CLIP3: variants seen among roughly 807,000 people sequenced by gnomAD.
CLIP3 encodes CAP-Gly domain-containing linker protein 3.
In CLIP3, 15 loss-of-function variants were observed where a neutral mutation model predicts 59.4. The observed-to-expected ratio is 0.25, with a 90% CI of 0.17 to 0.39. The LOEUF is 0.39. Among genes scored for constraint, CLIP3 ranks in the 10% least tolerant of loss-of-function variants. The probability of loss-of-function intolerance (pLI) is 1.00; values close to 1 mark genes in which losing one functional copy is unlikely to be tolerated. For synonymous variants in CLIP3, 300 were observed against 321.6 expected (o/e 0.93, Z 0.72); for missense variants, 495 against 765.7 (o/e 0.65, Z 4.17).
rs1968754076 is a variant in CLIP3 at position 36,015,014 on chromosome 19, CCA to C, written c.*1142_*1143del. ...CATGGACTCGGGGCATTGAAATTCTCCAGTTTCCAGGGATGGGAATTCCTGTG... is the reference window on the plus strand; with the variant it reads ...CATGGACTCGGGGCATTGAAATTCTCGTTTCCAGGGATGGGAATTCCTGTG... On this transcript the variant is annotated 3_prime_UTR_variant, in exon 14 of 14. Coordinates refer to ENST00000360535, the MANE Select transcript of CLIP3 (RefSeq NM_015526.3). 6.6e-6 allele frequency: 1 copy of C among 152,202 alleles called. No individual in the cohort carries two copies. The highest frequency in any genetic ancestry group is 2.4e-5 in the African/African-American group (1 of 41,422). 9.4% of individuals were successfully genotyped at this position (152,202 alleles called of 1,614,324 possible). A position where few individuals can be genotyped will look rare whatever the true frequency, so the allele number is the denominator to read the frequency against.
chr19:36,016,658 G>A lies in CLIP3; in HGVS notation c.1589+249C>T, dbSNP rs1221924742. Among the ~76,000 whole-genome samples the A allele has an allele frequency of 1.3e-5, 2 of 152,200 alleles. No homozygotes were observed. Among genetic ancestry groups the A allele is most frequent in the African/African-American group, 4.8e-5 (2 of 41,436 alleles). On this transcript the variant is annotated intron_variant, in intron 13 of 13. Transcript: ENST00000360535. The surrounding 1 kb of genome is among the most constrained non-coding windows in gnomAD (Gnocchi z 4.1). ...CCACCCCGCCCGGTCTCTAGCTGTT[G>A]TTCTGAGGCTCGTATGGAGTGAAGG... is the stretch of plus-strand genomic sequence containing the variant.
rs1198507205 is a variant in CLIP3 at position 36,019,278 on chromosome 19, G to A, written c.947C>T (p.Thr316Met). The change falls in exon 8 of 14, where the codon ACG (threonine) becomes ATG (methionine). Residue 316 changes from threonine (T) to methionine (M), a missense_variant. Around this residue, in one of 5 missense-constraint regions of CLIP3, gnomAD observed 194 missense variants for 327.8 expected, o/e 0.59. Transcript: ENST00000360535. Reference sequence around the variant, plus strand: ...CACCCACTGGCCGCTGGCAAACTCCGTGGTCCCACAGAACCGCAGTGTGCC... The same window carrying A: ...CACCCACTGGCCGCTGGCAAACTCCATGGTCCCACAGAACCGCAGTGTGCC... ...KTGTLRFCGTTEFASGQWVGV... is the reference protein window; with the variant it reads ...KTGTLRFCGTMEFASGQWVGV... 6.2e-7 allele frequency: 1 copy of A among 1,613,378 alleles called. No homozygotes were observed. Among genetic ancestry groups the A allele is most frequent in the Non-Finnish European group, 8.5e-7 (1 of 1,179,934 alleles).
rs373580296 is a variant in CLIP3, at chr19:36,024,591, A to G, written c.723T>C (p.Pro241=). The change falls in exon 7 of 14, where the codon CCT becomes CCC. Residue 241 remains proline, a synonymous_variant. Transcript: ENST00000360535. ...GQVPAEVVPD[P]MDMSLDKAEA... is the part of the protein sequence containing the mutation. The stretch of plus-strand genomic sequence containing the variant: ...CTGCCTTGTCCAGGGACATGTCCAT[A>G]GGATCTGGGACCACCTCCGCCGGCA... 65 of 1,614,084 alleles carry G rather than the reference A, an allele frequency of 4.0e-5. No individual in the cohort carries two copies. Among genetic ancestry groups the G allele is most frequent in the Non-Finnish European group, 5.3e-5 (62 of 1,180,040 alleles).
chr19:36,030,157 G>T (rs1424871033), intron 2 of CLIP3, among the ~76,000 whole-genome samples: 3 of 152,140 alleles, frequency 2.0e-5, no homozygotes, highest in African/African-American at 7.2e-5. Context: ...TCAGGCTCAA[G>T]TGATCCTCCC....
intron 6 of CLIP3, 116 bp from the exon 7 acceptor site, chr19:36,024,748 T>C (rs1969050687): frequency 2.1e-6 from 2 of 964,290 alleles, no homozygotes; most frequent in Admixed American, 2.5e-5. Flanking sequence ...CTAGGTCATA[T>C]CCTGGGCCAA....
chr19:36,026,442 C>T lies in CLIP3; in HGVS notation c.562+144G>A. ...CCCGACCCTCCCTAGAGTGGTAGTC[C>T]CTGAGCCCCCTCTCCCACGCCTCCA... On this transcript the variant is annotated intron_variant, in intron 5 of 13. Transcript: ENST00000360535. This position sits in a 1 kb window ranked among gnomAD's most constrained non-coding sequence, Gnocchi z 6.3. 1 of 1,232,224 alleles carries T rather than the reference C, an allele frequency of 8.1e-7. No homozygotes were observed. The highest frequency in any genetic ancestry group is 1.1e-6 in the Non-Finnish European group (1 of 880,902). The allele number at this position is 1,232,224 out of a possible 1,614,324, so 76.3% of individuals were successfully genotyped here. A position where few individuals can be genotyped will look rare whatever the true frequency, so the allele number is the denominator to read the frequency against.
intron 6 of CLIP3, 117 bp from the exon 7 acceptor site, chr19:36,024,749 C>A: frequency 1.1e-6 from 1 of 884,644 alleles, no homozygotes; most frequent in Non-Finnish European, 1.7e-6. Context: ...TAGGTCATAT[C>A]CTGGGCCAAC....
chr19:36,023,265 T>A (rs922613334), intron 7 of CLIP3, among the ~76,000 whole-genome samples: 13 of 152,172 alleles, frequency 8.5e-5, no homozygotes, highest in African/African-American at 3.1e-4. Context: ...TTCAAACTCC[T>A]TCCAGTAGCC....
Position 36,026,586 on chromosome 19 carries a change from C to T in CLIP3, c.562G>A (p.Val188Met). The T allele has an allele frequency of 6.2e-7, 1 of 1,613,452 alleles. No individual in the cohort carries two copies. The highest frequency in any genetic ancestry group is 8.5e-7 in the Non-Finnish European group (1 of 1,179,826). Residue 188 changes from valine (V) to methionine (M), a missense_variant and splice_region_variant, in exon 5 of 14, where the codon GTG becomes ATG. Coordinates refer to ENST00000360535, the MANE Select transcript of CLIP3 (RefSeq NM_015526.3). The surrounding 1 kb of genome is among the most constrained non-coding windows in gnomAD (Gnocchi z 6.3). The stretch of plus-strand genomic sequence containing the variant: ...TCCCAGCCAGGGCTCTCCTCCTCAC[C>T]TCGCGGCCTCGCACCCTTCAGCAGC... ...RVLLKGARPR[V>M]VNSTCSDFNH...
rs573481150 is a variant in CLIP3 at position 36,019,651 on chromosome 19, C to T, written c.919-345G>A. ...CAGCGTCTCACTCTGTTGCCAGGCT[C>T]GAGTGCAGTGGCACGATCTCGGCTC... On this transcript the variant is annotated intron_variant, in intron 7 of 13. Coordinates refer to ENST00000360535, the MANE Select transcript of CLIP3 (RefSeq NM_015526.3). Among the ~76,000 whole-genome samples, 129 of 149,278 alleles carry T rather than the reference C, an allele frequency of 8.6e-4. 1 individual carries two copies. Among genetic ancestry groups the T allele is most frequent in the African/African-American group, 3.0e-3 (123 of 40,456 alleles).
At chr19:36,019,952 TC>T (rs1465060426) in intron 7 of CLIP3, among the ~76,000 whole-genome samples, 1 of 151,850 alleles carries the variant, frequency 6.6e-6, no homozygotes. Context: ...ATGCCTATAA[TC>T]CCAACACTTT....
Position 36,015,250 on chromosome 19 carries a change from A to AG in CLIP3, c.*907dup, listed in dbSNP as rs1449341183. The AG allele has an allele frequency of 3.3e-5, 5 of 152,198 alleles. No homozygotes were observed. The highest frequency in any genetic ancestry group is 7.4e-5 in the Non-Finnish European group (5 of 67,990). The allele number at this position is 152,198 out of a possible 1,614,324, so 9.4% of individuals were successfully genotyped here. On this transcript the variant is annotated 3_prime_UTR_variant, in exon 14 of 14. Coordinates refer to ENST00000360535, the MANE Select transcript of CLIP3 (RefSeq NM_015526.3). The stretch of plus-strand genomic sequence containing the variant: ...AGGAGTTACGGCATTGGGGTCTTCT[A>AG]GGGGCTGTAGGACTTGAGGGCACAG...
intron 2 of CLIP3, among the ~76,000 whole-genome samples, chr19:36,031,272 C>A (rs949517715): frequency 6.6e-6 from 1 of 152,086 alleles, no homozygotes; most frequent in Non-Finnish European, 1.5e-5. Context: ...TGGCCTCAGC[C>A]TCCCAAAGTG....
At chr19:36,025,462 A>G (rs976857523) in intron 6 of CLIP3, among the ~76,000 whole-genome samples, 3 of 151,462 alleles carry the variant, frequency 2.0e-5, no homozygotes, top group East Asian at 2.0e-4. Flanking sequence ...GTGGTGGCGC[A>G]TGCCTATAAT....
Position 36,016,841 on chromosome 19 carries a change from C to T in CLIP3, c.1589+66G>A. On this transcript the variant is annotated intron_variant, in intron 13 of 13. Coordinates refer to ENST00000360535, the MANE Select transcript of CLIP3 (RefSeq NM_015526.3). This position sits in a 1 kb window ranked among gnomAD's most constrained non-coding sequence, Gnocchi z 4.1. Reference sequence around the variant, plus strand: ...GACCAGAGCTCCAGACCTCTGGGTCCAACTGCCTTATGGATCCCTCTCCCT... The same window carrying T: ...GACCAGAGCTCCAGACCTCTGGGTCTAACTGCCTTATGGATCCCTCTCCCT... The T allele has an allele frequency of 3.2e-6, 5 of 1,540,538 alleles. No homozygotes were observed. The South Asian group carries it at 4.6e-5, about 14-fold the overall frequency.
intron 2 of CLIP3, among the ~76,000 whole-genome samples, chr19:36,027,521 A>G (rs1031813645): frequency 5.3e-5 from 8 of 152,166 alleles, no homozygotes; most frequent in African/African-American, 1.9e-4. Flanking sequence ...CAATTCCCAT[A>G]TAGCAGCAAA....
chr19:36,017,548 C>A (rs1327454214), intron 11 of CLIP3, 98 bp from the exon 12 acceptor site: 4 of 1,597,224 alleles, frequency 2.5e-6, no homozygotes, highest in Non-Finnish European at 3.4e-6. Flanking sequence ...GGGCTGGGGG[C>A]TCGGGGGTGT....
chr19:36,023,989 A>G (rs1054114058), intron 7 of CLIP3, among the ~76,000 whole-genome samples: 1 of 152,106 alleles, frequency 6.6e-6, no homozygotes, highest in African/African-American at 2.4e-5. Flanking sequence ...ATTTGGGTAC[A>G]TTCCCCATCA....
At position 36,027,181 on chromosome 19, in the gene CLIP3, C is replaced by T. The variant is rs1217361513; in HGVS notation, c.257G>A (p.Arg86His). 1 of 1,613,626 alleles carries T rather than the reference C, an allele frequency of 6.2e-7. No individual in the cohort carries two copies. Among genetic ancestry groups the T allele is most frequent in the African/African-American group, 1.3e-5 (1 of 74,910 alleles). Residue 86 changes from arginine (R) to histidine (H), a missense_variant, in exon 3 of 14, where the codon CGC becomes CAC. This residue lies in a region of CLIP3 where 26 missense variants were observed against 79.5 expected (regional missense o/e 0.33). Transcript: ENST00000360535. ...GTGCTGGACTTGGGGCACCCACTGG[C>T]GCACAATGGCAAACAGCTCGGGGAT... is the stretch of plus-strand genomic sequence containing the variant. ...TTIPELFAIV[R>H]QWVPQVQHKI...
Sources: allele counts gnomAD v4.1 joint callset (sites outside exome capture counted in the v4.1 genomes callset), GRCh38; gene constraint gnomAD v4.1.1; regional missense constraint gnomAD v4.1.1; non-coding constraint Gnocchi (gnomAD v3.1); transcripts MANE v1.5; gene names NCBI Gene and HGNC (gene_info 2026-07-23, HGNC 2026-07-21).